TASP1: variants seen among roughly 807,000 people sequenced by gnomAD.
TASP1 encodes the protein threonine aspartase 1.
TASP1 carries 16 observed loss-of-function variants against 56.6 expected under a neutral mutation model. The ratio of observed to expected loss-of-function variants is 0.28; its 90% CI spans 0.19 to 0.43. The LOEUF (loss-of-function observed/expected upper bound fraction) is 0.43, where lower values mean the gene tolerates loss of function less well. Among genes scored for constraint, TASP1 ranks in the 20% least tolerant of loss-of-function variants. The pLI, the probability that TASP1 is intolerant of heterozygous loss-of-function variation, is 1.00. For synonymous variants in TASP1, 179 were observed against 184.2 expected (o/e 0.97, Z 0.23); for missense variants, 393 against 511.6 (o/e 0.77, Z 2.24).
chr20:13,398,970 T>C (rs1440089497), intron 13 of TASP1, among the ~76,000 whole-genome samples: 1 of 152,148 alleles, frequency 6.6e-6, no homozygotes, highest in Non-Finnish European at 1.5e-5. Context: ...CTTTCACCTC[T>C]CCACCAAAAC....
chr20:13,401,356 G>A lies in TASP1; in HGVS notation c.1171-10904C>T, dbSNP rs907864805. Among the ~76,000 whole-genome samples the A allele has an allele frequency of 5.9e-5, 9 of 152,040 alleles. No homozygotes were observed. The East Asian group carries it at 1.2e-3, about 20-fold the overall frequency. On this transcript the variant is annotated intron_variant, in intron 13 of 13. Coordinates refer to ENST00000337743, the MANE Select transcript of TASP1 (RefSeq NM_017714.3). Reference sequence around the variant, plus strand: ...AGTGGGAACAAAATGTTATATCTACGCACCATCCTAACTCAAAGTTCTACC... The same window carrying A: ...AGTGGGAACAAAATGTTATATCTACACACCATCCTAACTCAAAGTTCTACC...
the TASP1 span, among the ~76,000 whole-genome samples, chr20:13,196,256 T>C: frequency 6.6e-6 from 1 of 152,214 alleles, no homozygotes; most frequent in Non-Finnish European, 1.5e-5. Flanking sequence ...GGCCATTTCA[T>C]CTAGGCCCAG....
At chr20:13,284,909 T>C in the TASP1 span, among the ~76,000 whole-genome samples, 1 of 152,224 alleles carries the variant, frequency 6.6e-6, no homozygotes, top group African/African-American at 2.4e-5. Flanking sequence ...CCTTGATGGC[T>C]TCAGAGTCTG....
chr20:13,430,979 G>T (rs2042785772), intron 12 of TASP1, among the ~76,000 whole-genome samples: 1 of 152,114 alleles, frequency 6.6e-6, no homozygotes, highest in African/African-American at 2.4e-5. Flanking sequence ...AATGAGGTTC[G>T]ACTGAAAACT....
chr20:13,471,792 G>T (rs2044504332), intron 11 of TASP1, among the ~76,000 whole-genome samples: 1 of 152,256 alleles, frequency 6.6e-6, no homozygotes, highest in Admixed American at 6.5e-5. Context: ...TTCCAACTGA[G>T]GAACCTGGTT....
At chr20:13,623,738 A>G (rs2048794917) in intron 3 of TASP1, among the ~76,000 whole-genome samples, 1 of 152,250 alleles carries the variant, frequency 6.6e-6, no homozygotes, top group Admixed American at 6.5e-5. Flanking sequence ...AAACAATAAA[A>G]TCTAGTTATT....
the TASP1 span, chr20:13,133,082 T>A: frequency 6.6e-6 from 1 of 152,356 alleles, no homozygotes; most frequent in Non-Finnish European, 1.5e-5. Context: ...AAGACTGTCT[T>A]CGTTGTAGAG....
chr20:13,319,882 C>G, the TASP1 span, among the ~76,000 whole-genome samples: 1 of 152,194 alleles, frequency 6.6e-6, no homozygotes, highest in Admixed American at 6.5e-5. Flanking sequence ...CTCTAACCAG[C>G]TCAGGTCCTG....
chr20:13,351,751 T>A, the TASP1 span, among the ~76,000 whole-genome samples: 1 of 152,186 alleles, frequency 6.6e-6, no homozygotes, highest in African/African-American at 2.4e-5. Context: ...TGTATACACA[T>A]GAAAATGTCA....
At chr20:13,241,146 G>A in the TASP1 span, among the ~76,000 whole-genome samples, 3 of 152,236 alleles carry the variant, frequency 2.0e-5, no homozygotes, top group Admixed American at 1.3e-4. Flanking sequence ...ACTGGGCAAC[G>A]CAGCCATGAC....
chr20:13,221,614 C>T, the TASP1 span, among the ~76,000 whole-genome samples: 39 of 147,254 alleles, frequency 2.6e-4, no homozygotes, highest in African/African-American at 8.8e-4. Context: ...CACACCCCGC[C>T]GCGCCCAGCG....
downstream of TASP1, among the ~76,000 whole-genome samples, chr20:13,388,843 A>G (rs1362873381): frequency 6.6e-6 from 1 of 152,200 alleles, no homozygotes; most frequent in Non-Finnish European, 1.5e-5. Context: ...CTCTCAAATT[A>G]TTCATATTTA....
At chr20:13,482,840 T>C (rs2146511045) in intron 11 of TASP1, among the ~76,000 whole-genome samples, 1 of 152,220 alleles carries the variant, frequency 6.6e-6, no homozygotes, top group East Asian at 1.9e-4. Context: ...TTTGAGGAAA[T>C]AGTACATGAA....
the TASP1 span, chr20:13,288,538 A>G: frequency 1.2e-6 from 2 of 1,613,366 alleles, no homozygotes; most frequent in Admixed American, 3.3e-5. Flanking sequence ...GCTGTCTTCC[A>G]GATTCCACAG....
At chr20:13,116,817 A>G in the TASP1 span, among the ~76,000 whole-genome samples, 1 of 152,202 alleles carries the variant, frequency 6.6e-6, no homozygotes, top group African/African-American at 2.4e-5. Context: ...AGCCCACCCA[A>G]TACCGACTGA....
chr20:13,591,298 C>G (rs1195416187), intron 4 of TASP1, among the ~76,000 whole-genome samples: 2 of 152,024 alleles, frequency 1.3e-5, no homozygotes, highest in Admixed American at 1.3e-4. Flanking sequence ...CAGAGTACAT[C>G]ATAATCAAAA....
At chr20:13,140,058 A>G in the TASP1 span, among the ~76,000 whole-genome samples, 1 of 152,154 alleles carries the variant, frequency 6.6e-6, no homozygotes, top group Non-Finnish European at 1.5e-5. Context: ...CAGAAAATAG[A>G]CCCTGAAGAT....
chr20:13,303,212 G>A, the TASP1 span, among the ~76,000 whole-genome samples: 1 of 152,182 alleles, frequency 6.6e-6, no homozygotes, highest in Non-Finnish European at 1.5e-5. Flanking sequence ...TAAACCTAAC[G>A]CCTGTGCTCT....
chr20:13,625,737 G>A (rs564597589), intron 2 of TASP1, among the ~76,000 whole-genome samples: 13 of 152,276 alleles, frequency 8.5e-5, no homozygotes, highest in South Asian at 8.3e-4. Context: ...CTTACATCTC[G>A]CATGTCCACA....
Sources: gnomAD v4.1 joint callset for allele counts (sites outside exome capture counted in the v4.1 genomes callset) on GRCh38, gnomAD v4.1.1 for gene constraint, MANE v1.5 for transcripts, NCBI Gene and HGNC (gene_info 2026-07-23, HGNC 2026-07-21) for gene names.